The following TDRD7 variants were observed in gnomAD, a reference collection of about 807,000 sequenced individuals.
TDRD7 encodes the protein tudor domain containing 7, also known as tudor domain-containing protein 7.
Under a neutral mutation model 109.8 loss-of-function variants are expected in TDRD7, and 47 were observed. The ratio of observed to expected loss-of-function variants is 0.43; its 90% CI spans 0.34 to 0.55. TDRD7 has a LOEUF of 0.55. TDRD7 is among the 20% of genes least tolerant of loss of function. TDRD7 has a pLI of 0.03. For synonymous variants in TDRD7, 424 were observed against 457.3 expected, an observed-to-expected ratio of 0.93 and a Z score of 0.93; for missense variants, 1,164 against 1,319.2, an observed-to-expected ratio of 0.88 and a Z score of 1.82.
chr9:97,495,557 T>C, intron 16 of TDRD7, 106 bp from the exon 17 acceptor site: 2 of 1,092,732 alleles, frequency 1.8e-6, no homozygotes, highest in Non-Finnish European at 2.8e-6. Context: ...TAACCTGGGA[T>C]GCTTAAGTTA....
At chr9:97,478,380 A>G in intron 12 of TDRD7, 59 bp from the exon 13 acceptor site, 2 of 1,604,482 alleles carry the variant, frequency 1.2e-6, no homozygotes, top group South Asian at 1.1e-5. Context: ...GTAATTGCAC[A>G]GAAGCATTTT....
At chr9:97,453,170 C>A (rs1828529891) in intron 6 of TDRD7, among the ~76,000 whole-genome samples, 1 of 152,226 alleles carries the variant, frequency 6.6e-6, no homozygotes, top group African/African-American at 2.4e-5. Context: ...TTTCTACCAC[C>A]CACTTCAGAG....
At chr9:97,484,392 TCC>T (rs2131179120) in intron 15 of TDRD7, among the ~76,000 whole-genome samples, 1 of 152,212 alleles carries the variant, frequency 6.6e-6, no homozygotes, top group Admixed American at 6.5e-5. Flanking sequence ...CCCATCCTGT[TCC>T]TTTGCCAGCT....
intron 7 of TDRD7, among the ~76,000 whole-genome samples, chr9:97,461,773 A>G (rs572943866): frequency 6.6e-6 from 1 of 152,348 alleles, no homozygotes; most frequent in East Asian, 1.9e-4. Flanking sequence ...TGCTGAAGCA[A>G]ACAGAATCTG....
chr9:97,441,857 C>T lies in TDRD7; in HGVS notation c.837C>T (p.His279=). ...AAGGAATTTTACAACAGTTTGAACA[C>T]TGGCCTCATATTTGCACGGTATGTT... ...LNQGILQQFE[H]WPHICTVEKP... Residue 279 remains histidine (H), a synonymous_variant, in exon 6 of 17, where the codon CAC becomes CAT. Coordinates refer to ENST00000355295, the MANE Select transcript of TDRD7 (RefSeq NM_014290.3). 2 of 1,613,580 alleles carry T rather than the reference C, an allele frequency of 1.2e-6. No individual in the cohort carries two copies. The highest frequency in any genetic ancestry group is 2.2e-5 in the South Asian group (2 of 91,068).
At chr9:97,486,870 G>A (rs1390198064) in intron 15 of TDRD7, among the ~76,000 whole-genome samples, 2 of 152,114 alleles carry the variant, frequency 1.3e-5, no homozygotes, top group Admixed American at 1.3e-4. Context: ...CATGGTGTTT[G>A]TTTCTTCTAA....
At chr9:97,473,362 A>T in intron 10 of TDRD7, 130 bp from the exon 11 acceptor site, 1 of 1,232,440 alleles carries the variant, frequency 8.1e-7, no homozygotes, top group Non-Finnish European at 1.2e-6. Flanking sequence ...ATTTCATCTT[A>T]CATATACTCT....
At chr9:97,426,195 G>A (rs964410017) in intron 1 of TDRD7, among the ~76,000 whole-genome samples, 3 of 152,146 alleles carry the variant, frequency 2.0e-5, no homozygotes, top group Admixed American at 6.5e-5. Flanking sequence ...CACTACTGTA[G>A]ACTTATAAAC....
At chr9:97,423,314 T>C (rs1225815125) in intron 1 of TDRD7, among the ~76,000 whole-genome samples, 1 of 152,174 alleles carries the variant, frequency 6.6e-6, no homozygotes, top group African/African-American at 2.4e-5. Flanking sequence ...CTGGCATAAC[T>C]GTTTTATCAT....
chr9:97,480,717 C>G (rs1379065137), intron 13 of TDRD7, 111 bp from the exon 14 acceptor site: 10 of 883,378 alleles, frequency 1.1e-5, no homozygotes, highest in Non-Finnish European at 1.9e-5. Flanking sequence ...GCTGTTGTTG[C>G]TTGCTGTCTA....
chr9:97,484,223 T>C (rs1829172231), intron 15 of TDRD7, among the ~76,000 whole-genome samples: 2 of 152,194 alleles, frequency 1.3e-5, no homozygotes, highest in Non-Finnish European at 2.9e-5. Context: ...CTCTTACATT[T>C]CTTTAGCGCT....
intron 4 of TDRD7, among the ~76,000 whole-genome samples, chr9:97,434,122 A>G (rs1828154077): frequency 6.6e-6 from 1 of 152,196 alleles, no homozygotes; most frequent in African/African-American, 2.4e-5. Flanking sequence ...GTGTCCATTA[A>G]TGAATGAATG....
chr9:97,414,625 C>G (rs1279168131), intron 1 of TDRD7, among the ~76,000 whole-genome samples: 1 of 152,148 alleles, frequency 6.6e-6, no homozygotes, highest in Admixed American at 6.5e-5. Flanking sequence ...ATGGAAATCC[C>G]TTACTTACGT....
Position 97,460,279 on chromosome 9 carries a change from C to T in TDRD7, c.957C>T (p.Ser319=). 6.2e-7 allele frequency: 1 copy of T among 1,614,186 alleles called. No homozygotes were observed. Among genetic ancestry groups the T allele is most frequent in the Non-Finnish European group, 8.5e-7 (1 of 1,180,028 alleles). The change falls in exon 7 of 17, where the codon TCC becomes TCT. Residue 319 remains serine (S), a synonymous_variant. Transcript: ENST00000355295. ...SELDTEKVPL[S]PLPGPKQTPP... is the part of the protein sequence containing the mutation. The stretch of plus-strand genomic sequence containing the variant: ...TGGATACTGAGAAAGTACCTCTATC[C>T]CCACTACCTGGTCCCAAACAAACAC...
intron 1 of TDRD7, among the ~76,000 whole-genome samples, chr9:97,421,698 TTGTGTG>T (rs59218055): frequency 0.068 from 9,636 of 142,732 alleles, 552 homozygotes; most frequent in African/African-American, 0.16. Context: ...TGCCCAGCTT[TTGTGTG>T]TGTGTGTGTG....
At chr9:97,473,768 T>A in intron 11 of TDRD7, 142 bp downstream of exon 11, 1 of 1,095,238 alleles carries the variant, frequency 9.1e-7, no homozygotes, top group Non-Finnish European at 1.3e-6. Context: ...GAATAGTAGG[T>A]AAAGAGCTCC....
intron 9 of TDRD7, among the ~76,000 whole-genome samples, chr9:97,471,265 T>G (rs1228500931): frequency 1.3e-5 from 2 of 152,110 alleles, no homozygotes; most frequent in East Asian, 3.8e-4. Context: ...GGCATTGAAA[T>G]ATGCACCATG....
At chr9:97,462,400 C>A (rs1399733464) in intron 7 of TDRD7, among the ~76,000 whole-genome samples, 1 of 152,198 alleles carries the variant, frequency 6.6e-6, no homozygotes. Flanking sequence ...TGGCAACCAG[C>A]AAGCAAGATG....
intron 16 of TDRD7, among the ~76,000 whole-genome samples, chr9:97,495,305 A>G (rs977008411): frequency 6.6e-6 from 1 of 152,186 alleles, no homozygotes; most frequent in Admixed American, 6.5e-5. Context: ...AAAATTTTTA[A>G]TGAAAGAAAT....
Sources: allele counts gnomAD v4.1 joint callset (sites outside exome capture counted in the v4.1 genomes callset), GRCh38; gene constraint gnomAD v4.1.1; transcripts MANE v1.5; gene names NCBI Gene and HGNC (gene_info 2026-07-23, HGNC 2026-07-21).